Variants in WDFY3 observed in about 807,000 individuals in gnomAD.
The protein encoded by WDFY3 is WD repeat and FYVE domain-containing protein 3.
Under a neutral mutation model 409.6 loss-of-function variants are expected in WDFY3, and 66 were observed. That is an observed-to-expected ratio of 0.16 (90% CI 0.13 to 0.20). The LOEUF (loss-of-function observed/expected upper bound fraction) is 0.20, where lower values mean the gene tolerates loss of function less well. Ranked by LOEUF, WDFY3 falls within the 10% of genes least tolerant of loss-of-function variation. WDFY3 has a pLI of 1.00. For missense variants in WDFY3, 3,031 were observed against 4,298.1 expected, an observed-to-expected ratio of 0.71 and a Z score of 8.24; for synonymous variants, 1,521 against 1,537.1, an observed-to-expected ratio of 0.99 and a Z score of 0.25.
chr4:84,725,041 C>T (rs1452311085), intron 45 of WDFY3, among the ~76,000 whole-genome samples: 1 of 152,192 alleles, frequency 6.6e-6, no homozygotes, highest in Non-Finnish European at 1.5e-5. Flanking sequence ...TCAGAATAAT[C>T]GGTGTGAGTG....
At chr4:84,845,195 G>A (rs1275339853) in intron 5 of WDFY3, among the ~76,000 whole-genome samples, 3 of 152,104 alleles carry the variant, frequency 2.0e-5, no homozygotes, top group African/African-American at 7.2e-5. Flanking sequence ...GAGGGGTACT[G>A]GAAGAATAAT....
In WDFY3 at chr4:84,871,071, G is replaced by A. The variant is rs190376682; in HGVS notation, c.-31-10449C>T. Among the ~76,000 whole-genome samples the A allele has an allele frequency of 2.6e-5, 4 of 152,204 alleles. No homozygotes were observed. In the East Asian group the frequency reaches 5.8e-4, roughly 22 times the overall value. On this transcript the variant is annotated intron_variant, in intron 3 of 67. Transcript: ENST00000295888. Reference sequence around the variant, plus strand: ...TAAAGTAATAATGACAAAGAACTTTGAGAACTTTGCAAAATTAATGACAAA... The same window carrying A: ...TAAAGTAATAATGACAAAGAACTTTAAGAACTTTGCAAAATTAATGACAAA...
intron 46 of WDFY3, 58 bp from the exon 47 acceptor site, chr4:84,721,630 GT>G: frequency 2.5e-6 from 4 of 1,581,874 alleles, no homozygotes; most frequent in Non-Finnish European, 2.6e-6. Flanking sequence ...TGGGGAAGCA[GT>G]TTAGTCTCAT....
In WDFY3 at chr4:84,820,141, G is replaced by A. The variant is rs1753846989; in HGVS notation, c.1637C>T (p.Ala546Val). 3.1e-6 allele frequency: 5 copies of A among 1,608,060 alleles called. No individual in the cohort carries two copies. The highest frequency in any genetic ancestry group is 4.2e-6 in the Non-Finnish European group (5 of 1,176,524). Reference sequence around the variant, plus strand: ...TGTCAAGGTCTCCATAACCAATAAAGCCAGGTGTTTTTGGTCTTCAACTGA... The same window carrying A: ...TGTCAAGGTCTCCATAACCAATAAAACCAGGTGTTTTTGGTCTTCAACTGA... ...NSSVEDQKHL[A>V]LLVMETLTVL... Residue 546 changes from alanine to valine, a missense_variant, in exon 12 of 68, where the codon GCT (alanine) becomes GTT (valine). Around this residue, in one of 16 missense-constraint regions of WDFY3, gnomAD observed 1,322 missense variants for 1,697.9 expected, o/e 0.78. Transcript: ENST00000295888.
intron 47 of WDFY3, among the ~76,000 whole-genome samples, chr4:84,719,387 ACT>A (rs1491530614): frequency 6.6e-6 from 1 of 152,000 alleles, no homozygotes; most frequent in Non-Finnish European, 1.5e-5. Context: ...CTTTCTAAAA[ACT>A]CTTTCTTGCT....
At chr4:84,940,797 C>T (rs1772016200) in intron 1 of WDFY3, among the ~76,000 whole-genome samples, 1 of 151,960 alleles carries the variant, frequency 6.6e-6, no homozygotes, top group African/African-American at 2.4e-5. Context: ...GAAACCAAAT[C>T]TGGCAACATA....
intron 9 of WDFY3, among the ~76,000 whole-genome samples, chr4:84,828,697 G>T (rs575598555): frequency 8.5e-5 from 13 of 152,066 alleles, no homozygotes; most frequent in Non-Finnish European, 1.6e-4. Flanking sequence ...AAGAGTTTGA[G>T]ACCAGCCTGG....
At chr4:84,860,710 C>A in intron 3 of WDFY3, 88 bp from the exon 4 acceptor site, 1 of 1,157,348 alleles carries the variant, frequency 8.6e-7, no homozygotes, top group South Asian at 3.3e-5. Flanking sequence ...AAGAAATTTG[C>A]AAAATAGAAA....
Position 84,759,015 on chromosome 4 carries a change from TAC to T in WDFY3, c.5189-1856_5189-1855del, listed in dbSNP as rs1173459189. 2.6e-5 allele frequency among the ~76,000 whole-genome samples: 4 copies of T among 152,342 alleles called. No individual in the cohort carries two copies. In the East Asian group the frequency reaches 7.7e-4, roughly 29 times the overall value. ...AGCAAGGGATCCAGTTTCAGCTTTC[TAC>T]ATATGGCTAGGCAGTTTTCCCAGCA... On this transcript the variant is annotated intron_variant, in intron 32 of 67. Coordinates refer to ENST00000295888, the MANE Select transcript of WDFY3 (RefSeq NM_014991.6).
intron 2 of WDFY3, among the ~76,000 whole-genome samples, chr4:84,919,250 A>C (rs1211904457): frequency 7.2e-5 from 11 of 152,142 alleles, no homozygotes. Context: ...AAATAAAACA[A>C]TACATATAGA....
chr4:84,955,376 C>T (rs1270332289), intron 1 of WDFY3, among the ~76,000 whole-genome samples: 1 of 152,148 alleles, frequency 6.6e-6, no homozygotes, highest in African/African-American at 2.4e-5. Flanking sequence ...AGCCATTTGT[C>T]TAATACCTGT....
At chr4:84,744,140 T>C (rs1017279186) in intron 36 of WDFY3, among the ~76,000 whole-genome samples, 3 of 148,396 alleles carry the variant, frequency 2.0e-5, no homozygotes, top group African/African-American at 7.3e-5. Context: ...AATATTGTTA[T>C]ATAAAAACTG....
intron 21 of WDFY3, 29 bp from the exon 22 acceptor site, chr4:84,789,936 C>T (rs779676559): frequency 6.2e-7 from 1 of 1,610,024 alleles, no homozygotes; most frequent in Admixed American, 1.7e-5. Context: ...GACATAAAAA[C>T]TTTTTCCAAC....
At chr4:84,684,951 C>T (rs1560525144) in intron 62 of WDFY3, among the ~76,000 whole-genome samples, 1 of 152,206 alleles carries the variant, frequency 6.6e-6, no homozygotes, top group East Asian at 1.9e-4. Flanking sequence ...ACACAGCAAC[C>T]TTGTGAGATT....
intron 1 of WDFY3, among the ~76,000 whole-genome samples, chr4:84,963,381 T>C (rs1775178930): frequency 6.9e-6 from 1 of 145,560 alleles, no homozygotes; most frequent in South Asian, 2.1e-4. Flanking sequence ...GCCCAGATGA[T>C]GCCACTGCAC....
chr4:84,725,101 A>G (rs1361525031), intron 45 of WDFY3, among the ~76,000 whole-genome samples: 1 of 152,174 alleles, frequency 6.6e-6, no homozygotes, highest in Non-Finnish European at 1.5e-5. Context: ...ATTCTTTCCT[A>G]TATTCCCAGG....
At chr4:84,837,570 T>C (rs1033001302) in intron 6 of WDFY3, among the ~76,000 whole-genome samples, 2 of 152,206 alleles carry the variant, frequency 1.3e-5, no homozygotes, top group Admixed American at 6.5e-5. Context: ...TTTTTATCTT[T>C]ATTCTTATTG....
At chr4:84,734,307 A>G (rs896440189) in intron 43 of WDFY3, among the ~76,000 whole-genome samples, 4 of 152,252 alleles carry the variant, frequency 2.6e-5, no homozygotes, top group African/African-American at 9.6e-5. Context: ...TTCATGGAAT[A>G]TAAGTATATA....
At chr4:84,705,588 G>A (rs901158176) in intron 53 of WDFY3, 77 bp from the exon 54 acceptor site, 26 of 1,165,248 alleles carry the variant, frequency 2.2e-5, no homozygotes, top group African/African-American at 3.0e-5. Flanking sequence ...AGTGGCTGTT[G>A]TGGATGATGA....
Sources: gnomAD v4.1 joint callset for allele counts (sites outside exome capture counted in the v4.1 genomes callset) on GRCh38, gnomAD v4.1.1 for gene constraint, gnomAD v4.1.1 regional missense constraint, MANE v1.5 for transcripts, NCBI Gene and HGNC (gene_info 2026-07-23, HGNC 2026-07-21) for gene names.